The following PPIL3 variants were observed in gnomAD, a reference collection of about 807,000 sequenced individuals.
The protein encoded by PPIL3 is peptidyl-prolyl cis-trans isomerase-like 3.
PPIL3 carries 13 observed loss-of-function variants against 20.9 expected under a neutral mutation model. That is an observed-to-expected ratio of 0.62 (90% CI 0.40 to 0.99). The LOEUF (loss-of-function observed/expected upper bound fraction) is 0.99. PPIL3 is among the 50% of genes least tolerant of loss of function. The pLI is 0.00. For synonymous variants in PPIL3, 71 were observed against 64.4 expected (o/e 1.10, Z -0.49); for missense variants, 170 against 195.2 (o/e 0.87, Z 0.77).
chr2:200,885,270 C>T, intron 3 of PPIL3: 1 of 330,460 alleles, frequency 3.0e-6, no homozygotes, highest in Non-Finnish European at 5.4e-6. Flanking sequence ...ACTCGGGAGG[C>T]TGAGGCAGAA....
chr2:200,885,577 T>A, intron 3 of PPIL3, 121 bp downstream of exon 3: 1 of 679,764 alleles, frequency 1.5e-6, no homozygotes, highest in Non-Finnish European at 2.5e-6. Context: ...GGATGGCTAG[T>A]TTTCCCTAAC....
chr2:200,884,748 A>G (rs543945214), intron 3 of PPIL3, among the ~76,000 whole-genome samples: 3 of 152,038 alleles, frequency 2.0e-5, no homozygotes, highest in Non-Finnish European at 4.4e-5. Context: ...TCAAAAAAAA[A>G]AAAAGTATAC....
At chr2:200,884,106 CTTGTCATT>C (rs2039839589) in intron 3 of PPIL3, among the ~76,000 whole-genome samples, 1 of 151,524 alleles carries the variant, frequency 6.6e-6, no homozygotes, top group African/African-American at 2.4e-5. Flanking sequence ...TCCTTCCATC[CTTGTCATT>C]TAAACAGGTG....
intron 3 of PPIL3, 50 bp downstream of exon 3, chr2:200,885,648 C>T (rs372949815): frequency 8.6e-7 from 1 of 1,161,060 alleles, no homozygotes; most frequent in African/African-American, 1.5e-5. Flanking sequence ...TTCCAAAGTG[C>T]TTATCTTGTT....
In PPIL3 at chr2:200,871,117, G is replaced by A. The variant is rs1259799280; in HGVS notation, c.*278C>T. 9.0e-6 allele frequency: 2 copies of A among 222,334 alleles called. No individual in the cohort carries two copies. The highest frequency in any genetic ancestry group is 9.6e-5 in the East Asian group (1 of 10,430). 13.8% of individuals were successfully genotyped at this position (222,334 alleles called of 1,614,324 possible). On this transcript the variant is annotated 3_prime_UTR_variant, in exon 7 of 7. Transcript: ENST00000392283. ...CTCAAAAATGCCTGCACTTGAGGCT[G>A]AGCATTTAAAAATGAATGTTCATAT...
intron 5 of PPIL3, among the ~76,000 whole-genome samples, chr2:200,878,229 G>C (rs1490845959): frequency 2.6e-5 from 4 of 152,038 alleles, no homozygotes; most frequent in Non-Finnish European, 5.9e-5. Context: ...ATATTTCCCA[G>C]CTTTCAGAGT....
chr2:200,878,519 A>G (rs955134204), intron 5 of PPIL3, among the ~76,000 whole-genome samples: 1 of 151,642 alleles, frequency 6.6e-6, no homozygotes, highest in African/African-American at 2.4e-5. Flanking sequence ...CCTCCTGAGT[A>G]GCTGAGACTA....
intron 6 of PPIL3, among the ~76,000 whole-genome samples, chr2:200,873,637 C>T (rs2039395952): frequency 6.6e-6 from 1 of 151,650 alleles, no homozygotes; most frequent in South Asian, 2.1e-4. Context: ...TCTTCAAATA[C>T]AAGTTTTGGA....
chr2:200,876,853 T>A lies in PPIL3; in HGVS notation c.359+66A>T, dbSNP rs1278814543. On this transcript the variant is annotated intron_variant, in intron 6 of 6. Coordinates refer to ENST00000392283, the MANE Select transcript of PPIL3 (RefSeq NM_130906.3). The stretch of plus-strand genomic sequence containing the variant: ...CTTTTCAATATTAGTTATGCTACTG[T>A]CACAGCTAAGCATATGCACCACTTG... The A allele has an allele frequency of 5.1e-6, 6 of 1,173,362 alleles. 1 individual carries two copies. The African/African-American group carries it at 9.1e-5, about 18-fold the overall frequency. 72.7% of individuals were successfully genotyped at this position (1,173,362 alleles called of 1,614,324 possible). A position where few individuals can be genotyped will look rare whatever the true frequency, so the allele number is the denominator to read the frequency against.
intron 1 of PPIL3, 139 bp downstream of exon 1, chr2:200,888,814 CCTT>C (rs1353210512): frequency 4.8e-6 from 2 of 417,406 alleles, no homozygotes; most frequent in East Asian, 7.3e-5. Context: ...CGTGCAGGGT[CCTT>C]CTTTTACTCT....
chr2:200,884,275 G>A (rs981910101), intron 3 of PPIL3, among the ~76,000 whole-genome samples: 1 of 152,070 alleles, frequency 6.6e-6, no homozygotes, highest in African/African-American at 2.4e-5. Context: ...GGTGGCTGGC[G>A]CCTATAGTCC....
chr2:200,874,153 T>C (rs940809343), intron 6 of PPIL3, among the ~76,000 whole-genome samples: 26 of 140,182 alleles, frequency 1.9e-4, no homozygotes, highest in Admixed American at 6.2e-4. Flanking sequence ...TGCAGTGAGC[T>C]GAGATGGCGC....
chr2:200,875,352 C>A (rs1285750060), intron 6 of PPIL3, among the ~76,000 whole-genome samples: 7 of 151,914 alleles, frequency 4.6e-5, no homozygotes, highest in Admixed American at 4.6e-4. Context: ...ACTGCAATCT[C>A]CACCTCCAGG....
At chr2:200,889,084 C>A, upstream of PPIL3, 1 of 470,310 alleles carries the variant, frequency 2.1e-6, no homozygotes, top group East Asian at 6.9e-5. Context: ...GCGCGGGACC[C>A]AAGAGAGAGA....
At chr2:200,872,875 G>GT (rs540748211) in intron 6 of PPIL3, among the ~76,000 whole-genome samples, 34,687 of 143,074 alleles carry the variant, frequency 0.24, 5,963 homozygotes, top group African/African-American at 0.49. Flanking sequence ...CTTTGTACTT[G>GT]TTTTTTTTTT....
intron 6 of PPIL3, among the ~76,000 whole-genome samples, chr2:200,873,718 G>C (rs1425527768): frequency 6.7e-6 from 1 of 149,296 alleles, no homozygotes; most frequent in Non-Finnish European, 1.5e-5. Context: ...TGCCCGCCTT[G>C]GCCTCCCAAA....
At position 200,882,322 on chromosome 2, in the gene PPIL3, T is replaced by C; in HGVS notation, c.172+20A>G. 6.9e-7 allele frequency: 1 copy of C among 1,456,412 alleles called. No individual in the cohort carries two copies. Among genetic ancestry groups the C allele is most frequent in the South Asian group, 1.1e-5 (1 of 87,696 alleles). 90.2% of individuals were successfully genotyped at this position (1,456,412 alleles called of 1,614,324 possible). Reference sequence around the variant, plus strand: ...ACTATACATTCAGTTCCTTAGATCTTGGTTAATGGAATAACTTACCTGTTG... The same window carrying C: ...ACTATACATTCAGTTCCTTAGATCTCGGTTAATGGAATAACTTACCTGTTG... On this transcript the variant is annotated intron_variant, in intron 4 of 6. Transcript: ENST00000392283.
chr2:200,882,958 C>T (rs17467707), intron 3 of PPIL3, among the ~76,000 whole-genome samples: 7,247 of 151,386 alleles, frequency 0.048, 240 homozygotes, highest in Middle Eastern at 0.099. Flanking sequence ...ACAAGCCCTG[C>T]AGTACCTGGC....
chr2:200,871,553 T>A lies in PPIL3; in HGVS notation c.360-32A>T, dbSNP rs200580683. ...GAGAAACAACATAACATATGAAAAT[T>A]TCCTTAAATTGAAACATGATATCCA... On this transcript the variant is annotated intron_variant, in intron 6 of 6. Transcript: ENST00000392283. The A allele has an allele frequency of 9.5e-6, 15 of 1,583,732 alleles. No homozygotes were observed. The South Asian group carries it at 1.7e-4, about 18-fold the overall frequency.
Sources: allele counts gnomAD v4.1 joint callset (sites outside exome capture counted in the v4.1 genomes callset), GRCh38; gene constraint gnomAD v4.1.1; transcripts MANE v1.5; gene names NCBI Gene and HGNC (gene_info 2026-07-23, HGNC 2026-07-21).